The following ZBTB20 variants were observed in gnomAD, a reference collection of about 807,000 sequenced individuals.
ZBTB20 encodes the protein zinc finger and BTB domain containing 20.
In ZBTB20, 9 loss-of-function variants were observed where a neutral mutation model predicts 56.9. That is an observed-to-expected ratio of 0.16 (90% CI 0.10 to 0.28). ZBTB20 has a LOEUF of 0.28. Among genes scored for constraint, ZBTB20 ranks in the 10% least tolerant of loss-of-function variants. The pLI is 1.00. For synonymous variants in ZBTB20, 417 were observed against 420.7 expected, an observed-to-expected ratio of 0.99 and a Z score of 0.11; for missense variants, 655 against 1,003.0, an observed-to-expected ratio of 0.65 and a Z score of 4.69.
At chr3:114,505,445 C>G (rs1359435312) in intron 6 of ZBTB20, among the ~76,000 whole-genome samples, 2 of 152,118 alleles carry the variant, frequency 1.3e-5, no homozygotes, top group Admixed American at 6.6e-5. Flanking sequence ...GCACTGATGA[C>G]AGAGCTGAGG....
chr3:114,741,755 A>G (rs1198937068), intron 5 of ZBTB20, among the ~76,000 whole-genome samples: 6 of 151,572 alleles, frequency 4.0e-5, no homozygotes, highest in African/African-American at 1.5e-4. Context: ...GGTGGTGGGC[A>G]CCTGTAATCC....
At chr3:114,564,471 C>A (rs1200754311) in intron 6 of ZBTB20, among the ~76,000 whole-genome samples, 1 of 152,068 alleles carries the variant, frequency 6.6e-6, no homozygotes, top group Non-Finnish European at 1.5e-5. Flanking sequence ...TGGTAAGCTG[C>A]ACAGACATTT....
At chr3:114,796,407 T>A (rs1020121520) in intron 5 of ZBTB20, among the ~76,000 whole-genome samples, 1 of 151,878 alleles carries the variant, frequency 6.6e-6, no homozygotes, top group Admixed American at 6.6e-5. Context: ...GATTTTAGGA[T>A]GTCATGTATA....
intron 6 of ZBTB20, among the ~76,000 whole-genome samples, chr3:114,588,927 A>G (rs910579272): frequency 6.6e-6 from 1 of 152,162 alleles, no homozygotes; most frequent in Non-Finnish European, 1.5e-5. Flanking sequence ...ACTTACAATC[A>G]TAGCAGAAGG....
intron 5 of ZBTB20, among the ~76,000 whole-genome samples, chr3:114,765,788 T>C (rs567340035): frequency 3.3e-4 from 50 of 152,306 alleles, no homozygotes; most frequent in Admixed American, 6.5e-4. Flanking sequence ...AAGCATTCAG[T>C]GTTTGAGTGG....
chr3:115,077,249 T>A (rs1409419613), intron 1 of ZBTB20, among the ~76,000 whole-genome samples: 1 of 152,212 alleles, frequency 6.6e-6, no homozygotes, highest in African/African-American at 2.4e-5. Context: ...TGCTAAGGTC[T>A]GAATATTACC....
chr3:114,388,346 T>C (rs1166279960), intron 8 of ZBTB20: 2 of 152,344 alleles, frequency 1.3e-5, no homozygotes, highest in East Asian at 1.9e-4. Context: ...TATTTTCCCA[T>C]AGGTATCATA....
intron 1 of ZBTB20, among the ~76,000 whole-genome samples, chr3:115,114,372 A>C (rs923082977): frequency 6.6e-6 from 1 of 152,112 alleles, no homozygotes; most frequent in Non-Finnish European, 1.5e-5. Context: ...AAATGGAAGA[A>C]GAGTATCAAT....
chr3:114,680,660 G>A (rs918568767), intron 6 of ZBTB20, among the ~76,000 whole-genome samples: 1 of 152,230 alleles, frequency 6.6e-6, no homozygotes, highest in African/African-American at 2.4e-5. Flanking sequence ...ATTAAAAGCT[G>A]CTTTATGAAA....
At chr3:114,907,383 T>C (rs1376123911) in intron 3 of ZBTB20, among the ~76,000 whole-genome samples, 7 of 151,902 alleles carry the variant, frequency 4.6e-5, no homozygotes, top group Non-Finnish European at 1.5e-5. Flanking sequence ...TCATTAAAAT[T>C]GTTTTCTGTC....
chr3:114,704,318 T>G (rs1187462246), intron 5 of ZBTB20, among the ~76,000 whole-genome samples: 1 of 152,084 alleles, frequency 6.6e-6, no homozygotes, highest in East Asian at 1.9e-4. Context: ...GATCTATATT[T>G]ATCTGCTTTA....
chr3:114,871,538 AC>A (rs1420957083), intron 4 of ZBTB20, among the ~76,000 whole-genome samples: 2 of 152,146 alleles, frequency 1.3e-5, no homozygotes, highest in African/African-American at 4.8e-5. Flanking sequence ...CTTAAAAAAC[AC>A]CAATTATTCT....
chr3:114,505,789 A>G (rs2044542864), intron 6 of ZBTB20, among the ~76,000 whole-genome samples: 1 of 152,046 alleles, frequency 6.6e-6, no homozygotes. Context: ...GCACTATTAG[A>G]TTTTTAGATT....
At chr3:114,858,189 T>A (rs2075336545) in intron 4 of ZBTB20, among the ~76,000 whole-genome samples, 1 of 152,188 alleles carries the variant, frequency 6.6e-6, no homozygotes, top group African/African-American at 2.4e-5. Flanking sequence ...ACAGTAAAAA[T>A]GGCCAAAACT....
At chr3:114,416,127 A>T (rs1559760295) in intron 7 of ZBTB20, among the ~76,000 whole-genome samples, 1 of 152,066 alleles carries the variant, frequency 6.6e-6, no homozygotes, top group Non-Finnish European at 1.5e-5. Context: ...CTTTGTAAAT[A>T]CTATAGTTGA....
chr3:114,344,755 A>G (rs570514459), intron 11 of ZBTB20, among the ~76,000 whole-genome samples: 11 of 152,332 alleles, frequency 7.2e-5, no homozygotes, highest in Admixed American at 6.5e-5. Flanking sequence ...GGATTAACAC[A>G]TTATCTTCAT....
intron 4 of ZBTB20, among the ~76,000 whole-genome samples, chr3:114,855,329 T>C (rs1360976583): frequency 1.3e-5 from 2 of 152,192 alleles, no homozygotes; most frequent in Non-Finnish European, 2.9e-5. Context: ...GACAGAATGA[T>C]GAAAACTTGT....
At chr3:114,564,854 C>T (rs1017792629) in intron 6 of ZBTB20, among the ~76,000 whole-genome samples, 9 of 152,194 alleles carry the variant, frequency 5.9e-5, no homozygotes, top group Non-Finnish European at 7.3e-5. Flanking sequence ...ATAACACCAG[C>T]GTTGCAGGTG....
chr3:114,491,803 C>A (rs1454171688), intron 7 of ZBTB20, among the ~76,000 whole-genome samples: 2 of 152,162 alleles, frequency 1.3e-5, no homozygotes, highest in African/African-American at 4.8e-5. Context: ...TCCTTTCCTT[C>A]ATAGCAAAAC....
Sources: allele counts gnomAD v4.1 joint callset (sites outside exome capture counted in the v4.1 genomes callset), GRCh38; gene constraint gnomAD v4.1.1; transcripts MANE v1.5; gene names NCBI Gene and HGNC (gene_info 2026-07-23, HGNC 2026-07-21).